The following IKZF4 variants were observed in gnomAD, a reference collection of about 807,000 sequenced individuals.
IKZF4 encodes the protein zinc finger protein Eos.
A neutral mutation model predicts 47.7 loss-of-function variants in IKZF4; 11 were observed. That is an observed-to-expected ratio of 0.23 (90% CI 0.15 to 0.38). IKZF4 has a LOEUF of 0.38. Ranked by LOEUF, IKZF4 falls within the 10% of genes least tolerant of loss-of-function variation. The pLI is 1.00. For missense variants in IKZF4, 557 were observed against 784.9 expected (o/e 0.71, Z 3.47); for synonymous variants, 298 against 299.4 (o/e 1.00, Z 0.05).
intron 5 of IKZF4, among the ~76,000 whole-genome samples, chr12:56,030,245 G>A (rs1894695557): frequency 2.6e-5 from 4 of 151,168 alleles, no homozygotes; most frequent in Admixed American, 6.6e-5. Flanking sequence ...GTGAGACTTC[G>A]TCTCTACTAC....
chr12:56,032,758 G>C, intron 6 of IKZF4, 48 bp downstream of exon 6: 10 of 1,602,778 alleles, frequency 6.2e-6, no homozygotes, highest in Non-Finnish European at 8.5e-6. Context: ...GATGGTGAGA[G>C]GGAGTGCTAG....
intron 1 of IKZF4, among the ~76,000 whole-genome samples, chr12:56,022,582 C>A (rs991202555): frequency 1.3e-5 from 2 of 152,248 alleles, no homozygotes; most frequent in African/African-American, 4.8e-5. Flanking sequence ...ATCCTTGGTG[C>A]CCAAGAAAGC....
rs769083610 is a variant in IKZF4, at chr12:56,021,599, C to T, written c.87+19C>T. ...GGATAATGTAAGTTCAGGCAGAAGG[C>T]GGCTAGTGGAGGGAGGAAGGGGGGT... On this transcript the variant is annotated intron_variant, in intron 1 of 7. Coordinates refer to ENST00000547167, the MANE Select transcript of IKZF4 (RefSeq NM_022465.4). The T allele has an allele frequency of 8.8e-6, 14 of 1,584,334 alleles. No individual in the cohort carries two copies. The highest frequency in any genetic ancestry group is 5.8e-5 in the South Asian group (5 of 86,616).
upstream of IKZF4, chr12:56,018,126 A>G (rs931987365): frequency 2.2e-5 from 28 of 1,288,810 alleles, no homozygotes; most frequent in Middle Eastern, 2.1e-4. Context: ...TTTTCAGCAG[A>G]ATCTCTTTAA....
intron 5 of IKZF4, among the ~76,000 whole-genome samples, chr12:56,029,336 G>C (rs1894550479): frequency 6.6e-6 from 1 of 152,152 alleles, no homozygotes; most frequent in South Asian, 2.1e-4. Flanking sequence ...CACTTTTTAG[G>C]CATTTTACTA....
chr12:56,031,371 AATT>A (rs1480048333), intron 5 of IKZF4, among the ~76,000 whole-genome samples: 2 of 152,374 alleles, frequency 1.3e-5, no homozygotes, highest in South Asian at 2.1e-4. Flanking sequence ...AAACATGTAT[AATT>A]ATTATGTATC....
Position 56,021,746 on chromosome 12 carries a change from C to T in IKZF4, c.87+166C>T, listed in dbSNP as rs1266738320. 1.8e-5 allele frequency: 19 copies of T among 1,032,184 alleles called. No individual in the cohort carries two copies. The South Asian group carries it at 2.3e-4, about 12-fold the overall frequency. The allele number at this position is 1,032,184 out of a possible 1,614,324, so 63.9% of individuals were successfully genotyped here. ...TGTGTGTGTGTAGCGGGGGAGGGGG[C>T]GTTCCTCCTTATACTTGCGGAGGAT... On this transcript the variant is annotated intron_variant, in intron 1 of 7. Transcript: ENST00000547167.
intron 1 of IKZF4, among the ~76,000 whole-genome samples, chr12:56,022,128 G>A (rs1893117122): frequency 6.6e-6 from 1 of 152,188 alleles, no homozygotes; most frequent in Non-Finnish European, 1.5e-5. Context: ...GAGGTGCCTT[G>A]CAGAGAAGTG....
At chr12:56,023,041 C>A (rs562670254) in intron 1 of IKZF4, among the ~76,000 whole-genome samples, 1 of 152,086 alleles carries the variant, frequency 6.6e-6, no homozygotes, top group Non-Finnish European at 1.5e-5. Context: ...CCTCGTGATC[C>A]GCCCGCCTCG....
At position 56,034,718 on chromosome 12, in the gene IKZF4, G is replaced by A. The variant is rs774290449; in HGVS notation, c.1145G>A (p.Arg382His). Residue 382 changes from arginine to histidine, a missense_variant, in exon 8 of 8, where the codon CGT (arginine) becomes CAT (histidine). Physicochemically the swap from Arg to His is conservative, Grantham distance 29. This residue lies in a region of IKZF4 where 280 missense variants were observed against 314.0 expected (regional missense o/e 0.89). Transcript: ENST00000547167. ...GCCTTTGTGGGTGCAGAGCATCTGC[G>A]TCCCCTCCGCCTTCCACCCACCAAT... ...SLAFVGAEHL[R>H]PLRLPPTNCI... 5 of 1,613,868 alleles carry A rather than the reference G, an allele frequency of 3.1e-6. No homozygotes were observed. The highest frequency in any genetic ancestry group is 1.6e-4 in the Middle Eastern group (1 of 6,084).
At chr12:56,033,844 ACT>A (rs1386308074) in intron 7 of IKZF4, among the ~76,000 whole-genome samples, 5 of 151,848 alleles carry the variant, frequency 3.3e-5, no homozygotes, top group African/African-American at 1.2e-4. Flanking sequence ...GGCACTGAAG[ACT>A]CTCGTGGTGG....
chr12:56,035,642 A>C lies in IKZF4; in HGVS notation c.*311A>C. 4.4e-6 allele frequency: 1 copy of C among 228,884 alleles called. No individual in the cohort carries two copies. The highest frequency in any genetic ancestry group is 8.6e-6 in the Non-Finnish European group (1 of 116,686). 14.2% of individuals were successfully genotyped at this position (228,884 alleles called of 1,614,324 possible). A position where few individuals can be genotyped will look rare whatever the true frequency, so the allele number is the denominator to read the frequency against. On this transcript the variant is annotated 3_prime_UTR_variant, in exon 8 of 8. Coordinates refer to ENST00000547167, the MANE Select transcript of IKZF4 (RefSeq NM_022465.4). The surrounding 1 kb of genome is among the most constrained non-coding windows in gnomAD (Gnocchi z 6.1). ...TTTTAACTTATATCAGTCACTTGCC[A>C]CTCCCCCACCCTCCTGTCCACAACT...
chr12:56,009,926 T>C lies in IKZF4; in HGVS notation c.-291-1491T>C, dbSNP rs138098925. On this transcript the variant is annotated intron_variant, in intron 1 of 11. Coordinates refer to the IKZF4 transcript ENST00000262032. ...TTAGTTTGAAATCTGCAGCTTGAAC[T>C]TCCCAGCATGGGAGAAACTTATCCC... Among the ~76,000 whole-genome samples, 616 of 152,272 alleles carry C rather than the reference T, an allele frequency of 4.0e-3. 4 individuals carry two copies. The highest frequency in any genetic ancestry group is 0.014 in the African/African-American group (594 of 41,558).
chr12:56,032,813 T>C, intron 6 of IKZF4, 103 bp downstream of exon 6: 1 of 1,310,032 alleles, frequency 7.6e-7, no homozygotes, highest in Non-Finnish European at 1.1e-6. Context: ...ATGAAGTCTG[T>C]GGAACAGGGG....
upstream of IKZF4, chr12:56,018,038 G>T: frequency 1.1e-6 from 1 of 873,330 alleles, no homozygotes. Flanking sequence ...TGCTCCTTTA[G>T]GTTTCTTGCT....
chr12:56,010,817 A>C (rs1891241598), intron 1 of IKZF4, among the ~76,000 whole-genome samples: 1 of 152,132 alleles, frequency 6.6e-6, no homozygotes, highest in Non-Finnish European at 1.5e-5. Flanking sequence ...AGGATTTCTC[A>C]GTTCCTGGAG....
At chr12:56,024,533 A>C (rs1893625288) in intron 2 of IKZF4, 1 of 634,312 alleles carries the variant, frequency 1.6e-6, no homozygotes, top group Non-Finnish European at 2.0e-6. Flanking sequence ...ATTAAATGAA[A>C]TTATTCATTT....
At chr12:56,022,156 C>T (rs1170319394) in intron 1 of IKZF4, among the ~76,000 whole-genome samples, 1 of 152,200 alleles carries the variant, frequency 6.6e-6, no homozygotes, top group Non-Finnish European at 1.5e-5. Context: ...TCTCCATGTT[C>T]TCCAAGCTCA....
intron 2 of IKZF4, among the ~76,000 whole-genome samples, chr12:56,016,013 C>T (rs2136573369): frequency 6.6e-6 from 1 of 152,152 alleles, no homozygotes; most frequent in African/African-American, 2.4e-5. Flanking sequence ...TTTCTCCATG[C>T]CCTGGCTTCC....
Sources: allele counts gnomAD v4.1 joint callset (sites outside exome capture counted in the v4.1 genomes callset), GRCh38; gene constraint gnomAD v4.1.1; regional missense constraint gnomAD v4.1.1; non-coding constraint Gnocchi (gnomAD v3.1); transcripts MANE v1.5; gene names NCBI Gene and HGNC (gene_info 2026-07-23, HGNC 2026-07-21).